The following FRRS1L variants were observed in gnomAD, a reference collection of about 807,000 sequenced individuals.
FRRS1L encodes DOMON domain-containing protein FRRS1L.
In FRRS1L, 22 loss-of-function variants were observed where a neutral mutation model predicts 28.6. That is an observed-to-expected ratio of 0.77 (90% CI 0.55 to 1.10). FRRS1L has a LOEUF of 1.10. Among genes scored for constraint, FRRS1L ranks in the 50% least tolerant of loss-of-function variants. FRRS1L has a pLI of 0.00. For synonymous variants in FRRS1L, 158 were observed against 151.4 expected (o/e 1.04, Z -0.32); for missense variants, 380 against 386.9 (o/e 0.98, Z 0.15).
At chr9:109,142,991 A>AG (rs57164903) in intron 3 of FRRS1L, among the ~76,000 whole-genome samples, 117,314 of 151,796 alleles carry the variant, frequency 0.77, 45,399 homozygotes, top group African/African-American at 0.8. Context: ...GCTTGCCTAC[A>AG]GTTTACATTT....
intron 4 of FRRS1L, chr9:109,138,125 C>A (rs117832020): frequency 0.021 from 3,251 of 152,448 alleles, 66 homozygotes; most frequent in Non-Finnish European, 0.034. Flanking sequence ...CAGATGGAAG[C>A]CCTCCTCTAC....
chr9:109,157,150 C>T (rs1251382232), intron 1 of FRRS1L, among the ~76,000 whole-genome samples: 1 of 152,098 alleles, frequency 6.6e-6, no homozygotes, highest in Non-Finnish European at 1.5e-5. Context: ...TTTTTATTTA[C>T]AGACATAGGT....
intron 3 of FRRS1L, among the ~76,000 whole-genome samples, chr9:109,144,475 A>C (rs4978771): frequency 1.3e-5 from 2 of 151,830 alleles, no homozygotes; most frequent in Admixed American, 1.3e-4. Flanking sequence ...AGCAATTCTC[A>C]TGCCTCTGCC....
At chr9:109,153,502 T>C (rs1338845460) in intron 1 of FRRS1L, among the ~76,000 whole-genome samples, 1 of 152,206 alleles carries the variant, frequency 6.6e-6, no homozygotes, top group African/African-American at 2.4e-5. Context: ...ACCCTATGTG[T>C]CTTTTCATTG....
At chr9:109,138,420 AAGGCAT>A (rs1564228051) in intron 4 of FRRS1L, 1 of 152,212 alleles carries the variant, frequency 6.6e-6, no homozygotes, top group Non-Finnish European at 1.5e-5. Flanking sequence ...TAGGGAGACT[AAGGCAT>A]ATACATTCAG....
At chr9:109,145,227 G>C (rs2118478192) in intron 3 of FRRS1L, among the ~76,000 whole-genome samples, 1 of 152,334 alleles carries the variant, frequency 6.6e-6, no homozygotes, top group South Asian at 2.1e-4. Flanking sequence ...ACAGGGAAGA[G>C]CAGGGGCCAG....
At chr9:109,156,731 C>A (rs1831414118) in intron 1 of FRRS1L, among the ~76,000 whole-genome samples, 1 of 151,206 alleles carries the variant, frequency 6.6e-6, no homozygotes, top group Non-Finnish European at 1.5e-5. Flanking sequence ...CTGTCTCACC[C>A]AGGCTGGAGT....
intron 1 of FRRS1L, among the ~76,000 whole-genome samples, chr9:109,161,241 C>G (rs895629082): frequency 6.6e-6 from 1 of 152,092 alleles, no homozygotes; most frequent in East Asian, 1.9e-4. Flanking sequence ...TCTGTCCGTT[C>G]CCCCATTTTT....
intron 1 of FRRS1L, among the ~76,000 whole-genome samples, chr9:109,160,465 C>CAGTGGTATGAACATGGCTCACTGT (rs11268890): frequency 0.76 from 114,914 of 151,952 alleles, 43,577 homozygotes; most frequent in Admixed American, 0.78. Context: ...GACTGGAGCA[C>CAGTGGTATGAACATGGCTCACTGT]AGCCTCGACC....
In FRRS1L at chr9:109,167,158, A is replaced by C; in HGVS notation, c.-20T>G. 8.8e-7 allele frequency: 1 copy of C among 1,142,458 alleles called. No individual in the cohort carries two copies. The highest frequency in any genetic ancestry group is 1.1e-6 in the Non-Finnish European group (1 of 934,956). The allele number at this position is 1,142,458 out of a possible 1,614,324, so 70.8% of individuals were successfully genotyped here. Reference sequence around the variant, plus strand: ...CGCCATCCGTGCGCACAGATCCCGCAGCCAGGCCGCTCGGGCCGCAGCGGG... The same window carrying C: ...CGCCATCCGTGCGCACAGATCCCGCCGCCAGGCCGCTCGGGCCGCAGCGGG... On this transcript the variant is annotated 5_prime_UTR_variant, in exon 1 of 5. Coordinates refer to ENST00000561981, the MANE Select transcript of FRRS1L (RefSeq NM_014334.4).
At position 109,146,912 on chromosome 9, in the gene FRRS1L, A is replaced by T. The variant is rs1831268843; in HGVS notation, c.462+139T>A. The stretch of plus-strand genomic sequence containing the variant: ...AACCCTTTCATTTAAGCTAGCCTGA[A>T]TTTTTTTTAACTTGCAATCAGAGAG... On this transcript the variant is annotated intron_variant, in intron 3 of 4. Transcript: ENST00000561981. The T allele has an allele frequency of 1.9e-5, 15 of 782,344 alleles. No homozygotes were observed. In the South Asian group the frequency reaches 2.1e-4, roughly 11 times the overall value. The allele number at this position is 782,344 out of a possible 1,614,324, so 48.5% of individuals were successfully genotyped here.
chr9:109,146,226 AAAT>A (rs1398401883), intron 3 of FRRS1L, among the ~76,000 whole-genome samples: 2 of 152,190 alleles, frequency 1.3e-5, no homozygotes, highest in Non-Finnish European at 2.9e-5. Flanking sequence ...CAAATAAATT[AAAT>A]AAATAAATAA....
intron 1 of FRRS1L, among the ~76,000 whole-genome samples, chr9:109,163,718 C>T (rs537019547): frequency 3.3e-5 from 5 of 152,242 alleles, no homozygotes; most frequent in Admixed American, 3.3e-4. Flanking sequence ...AGTTTCATGA[C>T]TATTTGAGAC....
rs1435925813 is a variant in FRRS1L at position 109,132,399 on chromosome 9, T to C, written c.*5056A>G. ...CCACAGTTACTTAAGACAAAACTGC[T>C]GCTTAGCCGGCTCTGTACTTTACTG... On this transcript the variant is annotated 3_prime_UTR_variant, in exon 5 of 5. Transcript: ENST00000561981. 6.6e-6 allele frequency: 1 copy of C among 152,264 alleles called. No individual in the cohort carries two copies. Among genetic ancestry groups the C allele is most frequent in the Middle Eastern group, 3.2e-3 (1 of 316 alleles). The allele number at this position is 152,264 out of a possible 1,614,324, so 9.4% of individuals were successfully genotyped here.
chr9:109,148,659 G>T (rs978600177), intron 2 of FRRS1L: 2 of 152,210 alleles, frequency 1.3e-5, no homozygotes, highest in Non-Finnish European at 2.9e-5. Context: ...GTCAGGAAGA[G>T]ATATAATAGG....
At chr9:109,150,980 T>C (rs1831323766) in intron 1 of FRRS1L, 2 of 152,180 alleles carry the variant, frequency 1.3e-5, no homozygotes, top group South Asian at 4.1e-4. Context: ...TATTTTTAAG[T>C]TTTTTCTTTG....
chr9:109,167,107 A>T lies in FRRS1L; in HGVS notation c.32T>A (p.Val11Asp). 1.1e-5 allele frequency: 13 copies of T among 1,172,234 alleles called. No individual in the cohort carries two copies. The highest frequency in any genetic ancestry group is 3.4e-5 in the South Asian group (1 of 29,386). The allele number at this position is 1,172,234 out of a possible 1,614,324, so 72.6% of individuals were successfully genotyped here. ...TAGCAGCAGGAGCAGCGACGCCCAGACCCCCGGGTGCTGCCGGGGCGGCCG... is the reference window on the plus strand; with the variant it reads ...TAGCAGCAGGAGCAGCGACGCCCAGTCCCCCGGGTGCTGCCGGGGCGGCCG... MARPPRQHPG[V>D]WASLLLLLLT... The change falls in exon 1 of 5, where the codon GTC (valine) becomes GAC (aspartate). Residue 11 changes from valine to aspartate, a missense_variant. Coordinates refer to ENST00000561981, the MANE Select transcript of FRRS1L (RefSeq NM_014334.4).
In FRRS1L at chr9:109,133,529, C is replaced by T. The variant is rs1392095633; in HGVS notation, c.*3926G>A. The T allele has an allele frequency of 6.6e-6, 1 of 152,172 alleles. No individual in the cohort carries two copies. Among genetic ancestry groups the T allele is most frequent in the African/African-American group, 2.4e-5 (1 of 41,444 alleles). 9.4% of individuals were successfully genotyped at this position (152,172 alleles called of 1,614,324 possible). ...GAAGGTGCATGAATGTGTAGGAAAT[C>T]ATATCACCTCCTTAGGCTTCAGCTG... On this transcript the variant is annotated 3_prime_UTR_variant, in exon 5 of 5. Transcript: ENST00000561981.
At chr9:109,158,810 G>C (rs1256197088) in intron 1 of FRRS1L, among the ~76,000 whole-genome samples, 2 of 152,198 alleles carry the variant, frequency 1.3e-5, no homozygotes, top group Non-Finnish European at 1.5e-5. Flanking sequence ...GTTTTTGTGT[G>C]AACATATGTT....
Sources: allele counts gnomAD v4.1 joint callset (sites outside exome capture counted in the v4.1 genomes callset), GRCh38; gene constraint gnomAD v4.1.1; transcripts MANE v1.5; gene names NCBI Gene and HGNC (gene_info 2026-07-23, HGNC 2026-07-21).